The following AFF1 variants were observed in gnomAD, a reference collection of about 807,000 sequenced individuals.
AFF1 encodes the protein AF4/FMR2 family member 1.
Under a neutral mutation model 121.7 loss-of-function variants are expected in AFF1, and 48 were observed. The ratio of observed to expected loss-of-function variants is 0.39; its 90% CI spans 0.31 to 0.50. The LOEUF (loss-of-function observed/expected upper bound fraction) is 0.50. Among genes scored for constraint, AFF1 ranks in the 20% least tolerant of loss-of-function variants. The probability of loss-of-function intolerance (pLI) is 0.76; values close to 1 mark genes in which losing one functional copy is unlikely to be tolerated. For synonymous variants in AFF1, 613 were observed against 563.0 expected, an observed-to-expected ratio of 1.09 and a Z score of -1.26; for missense variants, 1,523 against 1,511.7, an observed-to-expected ratio of 1.01 and a Z score of -0.12.
rs1729506902 is a variant in AFF1 at position 87,138,863 on chromosome 4, A to G, written c.*3162A>G. 1 of 229,288 alleles carries G rather than the reference A, an allele frequency of 4.4e-6. No individual in the cohort carries two copies. Among genetic ancestry groups the G allele is most frequent in the Non-Finnish European group, 8.6e-6 (1 of 115,692 alleles). The allele number at this position is 229,288 out of a possible 1,614,324, so 14.2% of individuals were successfully genotyped here. ...ATTATCTGTTTTGACCAAAATATGT[A>G]GCTATTTCCCTTACACAGATTGGAC... On this transcript the variant is annotated 3_prime_UTR_variant, in exon 21 of 21. Coordinates refer to ENST00000395146, the MANE Select transcript of AFF1 (RefSeq NM_001166693.3).
chr4:87,105,820 C>A lies in AFF1; in HGVS notation c.1351C>A (p.Pro451Thr). The A allele has an allele frequency of 6.2e-7, 1 of 1,614,148 alleles. No individual in the cohort carries two copies. The highest frequency in any genetic ancestry group is 8.5e-7 in the Non-Finnish European group (1 of 1,180,034). The change falls in exon 10 of 21, where the codon CCT (proline) becomes ACT (threonine). Residue 451 changes from proline to threonine, a missense_variant. Physicochemically the swap from Pro to Thr is conservative, Grantham distance 38 (BLOSUM62 -1). Coordinates refer to ENST00000395146, the MANE Select transcript of AFF1 (RefSeq NM_001166693.3). ...DSDSEQTPEK[P>T]PSSSAPPSAP... ...TGTGAATGCCTAGACCCCAGAGAAG[C>A]CTCCCTCCTCATCTGCACCTCCAAG...
intron 8 of AFF1, among the ~76,000 whole-genome samples, chr4:87,095,273 C>T (rs951091032): frequency 3.3e-5 from 5 of 152,160 alleles, no homozygotes; most frequent in Admixed American, 6.5e-5. Flanking sequence ...TGCCCACCAC[C>T]ATGCCTGACT....
Position 87,138,799 on chromosome 4 carries a change from G to C in AFF1, c.*3098G>C, listed in dbSNP as rs1295306642. On this transcript the variant is annotated 3_prime_UTR_variant, in exon 21 of 21. Coordinates refer to ENST00000395146, the MANE Select transcript of AFF1 (RefSeq NM_001166693.3). ...TATGATTTGATTACAATACTGAATG[G>C]GAAAAGTATCTAATATTTTGTAACA... The C allele has an allele frequency of 4.4e-6, 1 of 229,170 alleles. No homozygotes were observed. The highest frequency in any genetic ancestry group is 8.6e-6 in the Non-Finnish European group (1 of 115,710). 14.2% of individuals were successfully genotyped at this position (229,170 alleles called of 1,614,324 possible).
In AFF1 at chr4:87,126,154, G is replaced by A. The variant is rs144335649; in HGVS notation, c.2629G>A (p.Val877Met). ...GAAGGAAATGCTCCCCCCGCCACCC[G>A]TGTCCTCGTCCTCCCAGAAGCCAGC... ...SKKEMLPPPP[V>M]SSSSQKPAKP... Residue 877 changes from valine (V) to methionine (M), a missense_variant, in exon 14 of 21, where the codon GTG becomes ATG. This residue lies in a region of AFF1 where 905 missense variants were observed against 842.5 expected (regional missense o/e 1.07). Coordinates refer to ENST00000395146, the MANE Select transcript of AFF1 (RefSeq NM_001166693.3). 3.5e-5 allele frequency: 57 copies of A among 1,613,932 alleles called. No individual in the cohort carries two copies. The highest frequency in any genetic ancestry group is 2.5e-4 in the Admixed American group (15 of 60,002).
chr4:87,114,650 C>T lies in AFF1; in HGVS notation c.1817C>T (p.Thr606Ile). ...CAGCAGGAGCCCCCACAAAGGCAAA[C>T]CGTTGGAACCAAACAACCCAAAAAA... ...PAQQEPPQRQTVGTKQPKKPV... is the reference protein window; with the variant it reads ...PAQQEPPQRQIVGTKQPKKPV... The change falls in exon 12 of 21, where the codon ACC becomes ATC. Residue 606 changes from threonine (T) to isoleucine (I), a missense_variant. Transcript: ENST00000395146. 6.3e-7 allele frequency: 1 copy of T among 1,588,326 alleles called. No individual in the cohort carries two copies. The highest frequency in any genetic ancestry group is 1.4e-5 in the African/African-American group (1 of 72,118).
At chr4:87,030,777 G>A (rs921435658) in intron 2 of AFF1, among the ~76,000 whole-genome samples, 1 of 152,066 alleles carries the variant, frequency 6.6e-6, no homozygotes, top group Non-Finnish European at 1.5e-5. Context: ...AGACTTCACA[G>A]CAAAGCTCTG....
At chr4:87,118,309 C>CAT (rs2307789) in intron 12 of AFF1, among the ~76,000 whole-genome samples, 98,167 of 151,608 alleles carry the variant, frequency 0.65, 32,095 homozygotes, top group African/African-American at 0.74. Context: ...GAAATGCACA[C>CAT]GTTTTTTTAC....
intron 2 of AFF1, among the ~76,000 whole-genome samples, chr4:87,010,251 TA>T (rs1374618164): frequency 6.6e-6 from 1 of 152,226 alleles, no homozygotes; most frequent in Non-Finnish European, 1.5e-5. Flanking sequence ...ATTTCTTGAC[TA>T]AAATGCAATT....
At chr4:86,944,468 G>A (rs1191399649) in intron 1 of AFF1, among the ~76,000 whole-genome samples, 2 of 151,454 alleles carry the variant, frequency 1.3e-5, no homozygotes, top group Admixed American at 6.6e-5. Flanking sequence ...CCAGGTTCAC[G>A]CCATTCTCCT....
Position 87,111,069 on chromosome 4 carries a change from G to A in AFF1, c.1533+2754G>A, listed in dbSNP as rs1289000196. Among the ~76,000 whole-genome samples the A allele has an allele frequency of 3.2e-5, 2 of 62,550 alleles. 1 individual carries two copies. The highest frequency in any genetic ancestry group is 8.5e-4 in the South Asian group (2 of 2,342). The allele number at this position is 62,550 out of a possible 152,430, so 41.0% of individuals were successfully genotyped here. On this transcript the variant is annotated intron_variant, in intron 11 of 20. Coordinates refer to ENST00000395146, the MANE Select transcript of AFF1 (RefSeq NM_001166693.3). ...GTCGCCCAGGCTGGAGTGCAGTGGC[G>A]CGATCTCGGCTCACTGCAAGCTCCG...
chr4:87,022,545 T>C (rs61643732), intron 2 of AFF1, among the ~76,000 whole-genome samples: 2 of 32,886 alleles, frequency 6.1e-5, no homozygotes, highest in African/African-American at 5.6e-4. Context: ...TGCTTACAGA[T>C]ATATATATAT....
At chr4:87,069,973 A>C (rs1721846254) in intron 4 of AFF1, among the ~76,000 whole-genome samples, 1 of 151,998 alleles carries the variant, frequency 6.6e-6, no homozygotes, top group South Asian at 2.1e-4. Flanking sequence ...GGCGTGTGCC[A>C]CAACGCCTGA....
chr4:87,047,222 C>T lies in AFF1; in HGVS notation c.687C>T (p.Pro229=), dbSNP rs1193943625. Residue 229 remains proline, a synonymous_variant, in exon 4 of 21, where the codon CCC becomes CCT. Transcript: ENST00000395146. ...SPIHSNQQTL[P]RTQGSSKVHG... The stretch of plus-strand genomic sequence containing the variant: ...TACATTCCAACCAGCAAACTCTTCC[C>T]CGGACGCAAGGAAGCAGCAAGGTTC... 2 of 1,614,170 alleles carry T rather than the reference C, an allele frequency of 1.2e-6. No individual in the cohort carries two copies. The highest frequency in any genetic ancestry group is 1.7e-6 in the Non-Finnish European group (2 of 1,180,032).
At chr4:87,076,825 C>T (rs1188432383) in intron 4 of AFF1, among the ~76,000 whole-genome samples, 1 of 152,220 alleles carries the variant, frequency 6.6e-6, no homozygotes, top group Non-Finnish European at 1.5e-5. Flanking sequence ...TCCCTTTGAA[C>T]GTTTTCCAGC....
intron 2 of AFF1, among the ~76,000 whole-genome samples, chr4:86,964,431 A>C: frequency 7.5e-6 from 1 of 132,754 alleles, no homozygotes; most frequent in Non-Finnish European, 1.6e-5. Flanking sequence ...GTTGTTCTAT[A>C]CATCTTTTTT....
In AFF1 at chr4:86,935,207, C is replaced by G. The variant is rs1451388714; in HGVS notation, c.-70C>G. 6.6e-6 allele frequency: 1 copy of G among 152,346 alleles called. No individual in the cohort carries two copies. The highest frequency in any genetic ancestry group is 1.5e-5 in the Non-Finnish European group (1 of 68,150). 9.4% of individuals were successfully genotyped at this position (152,346 alleles called of 1,614,324 possible). A position where few individuals can be genotyped will look rare whatever the true frequency, so the allele number is the denominator to read the frequency against. ...GGAGGGCGGAGGTGACGAGGGCGCC[C>G]GACCCGGGACTAGAGGACGGAAGGG... On this transcript the variant is annotated 5_prime_UTR_variant, in exon 1 of 21. Coordinates refer to ENST00000395146, the MANE Select transcript of AFF1 (RefSeq NM_001166693.3).
intron 2 of AFF1, among the ~76,000 whole-genome samples, chr4:87,007,918 C>G (rs1340177576): frequency 3.9e-5 from 6 of 152,152 alleles, no homozygotes; most frequent in Non-Finnish European, 8.8e-5. Flanking sequence ...CATAAAACGG[C>G]CCCGCTTACG....
chr4:87,096,800 G>T (rs969452434), intron 8 of AFF1, among the ~76,000 whole-genome samples: 8 of 151,992 alleles, frequency 5.3e-5, no homozygotes, highest in African/African-American at 1.9e-4. Flanking sequence ...TAGAGACAGG[G>T]TCTCACTATG....
rs142243853 is a variant in AFF1 at position 87,084,032 on chromosome 4, G to A, written c.1060-88G>A. 8.3e-5 allele frequency: 101 copies of A among 1,211,746 alleles called. No homozygotes were observed. In the African/African-American group the frequency reaches 9.4e-4, roughly 11 times the overall value. 75.1% of individuals were successfully genotyped at this position (1,211,746 alleles called of 1,614,324 possible). ...TAGTAGAAGGTAAGCCTTGAGATGA[G>A]TATTGCTGCATTAATACAGTCATCC... On this transcript the variant is annotated intron_variant, in intron 4 of 20. Coordinates refer to ENST00000395146, the MANE Select transcript of AFF1 (RefSeq NM_001166693.3).
Sources: allele counts gnomAD v4.1 joint callset (sites outside exome capture counted in the v4.1 genomes callset), GRCh38; gene constraint gnomAD v4.1.1; regional missense constraint gnomAD v4.1.1; transcripts MANE v1.5; gene names NCBI Gene and HGNC (gene_info 2026-07-23, HGNC 2026-07-21).